The following PCED1B variants were observed in gnomAD, a reference collection of about 807,000 sequenced individuals.
PCED1B encodes PC-esterase domain containing 1B.
For missense variants in PCED1B, 573 were observed against 573.9 expected (o/e 1.00, Z 0.02); for synonymous variants, 251 against 246.1 (o/e 1.02, Z -0.19).
At chr12:47,105,402 C>T (rs1938902772) in intron 2 of PCED1B, among the ~76,000 whole-genome samples, 1 of 152,036 alleles carries the variant, frequency 6.6e-6, no homozygotes, top group Non-Finnish European at 1.5e-5. Context: ...TCTGAGGGTT[C>T]ATGAAGATAT....
chr12:47,195,307 C>G (rs936125388), intron 2 of PCED1B, among the ~76,000 whole-genome samples: 1 of 144,230 alleles, frequency 6.9e-6, no homozygotes, highest in Non-Finnish European at 1.5e-5. Context: ...CCAGCCTGGG[C>G]GATGGAGCGA....
chr12:47,185,051 TG>T (rs1385443505), intron 2 of PCED1B, among the ~76,000 whole-genome samples: 1 of 152,190 alleles, frequency 6.6e-6, no homozygotes, highest in Non-Finnish European at 1.5e-5. Context: ...CTTGTAAACT[TG>T]TTTCCTCATG....
At chr12:47,135,619 A>G (rs78826286) in intron 2 of PCED1B, 3 of 500,224 alleles carry the variant, frequency 6.0e-6, no homozygotes, top group Non-Finnish European at 1.2e-5. Flanking sequence ...CAGGTCACCA[A>G]CCATCTTCCT....
chr12:47,154,147 C>G lies in PCED1B; in HGVS notation c.-526+49952C>G, dbSNP rs1395400099. 4.3e-4 allele frequency among the ~76,000 whole-genome samples: 66 copies of G among 152,176 alleles called. 1 individual carries two copies. The highest frequency in any genetic ancestry group is 4.3e-3 in the Admixed American group (66 of 15,280). On this transcript the variant is annotated intron_variant, in intron 2 of 3. Coordinates refer to ENST00000546455, the MANE Select transcript of PCED1B (RefSeq NM_138371.3). ...GACCCAGGAAACGCGTATCTTCTACCAGCATCCATGAAACAGTAGCAGGCT... is the reference window on the plus strand; with the variant it reads ...GACCCAGGAAACGCGTATCTTCTACGAGCATCCATGAAACAGTAGCAGGCT...
At chr12:47,217,480 G>GAAAGAA (rs1943316702) in intron 3 of PCED1B, among the ~76,000 whole-genome samples, 1 of 109,756 alleles carries the variant, frequency 9.1e-6, no homozygotes, top group African/African-American at 4.7e-5. Context: ...GAGAAAGAAA[G>GAAAGAA]AAAGAAAGAA....
intron 3 of PCED1B, among the ~76,000 whole-genome samples, chr12:47,221,617 T>C (rs1307067780): frequency 4.6e-5 from 7 of 152,226 alleles, no homozygotes; most frequent in African/African-American, 9.6e-5. Flanking sequence ...CACCCAATTA[T>C]GTATTCCCAG....
At chr12:47,208,030 G>GT (rs1942962315) in intron 2 of PCED1B, among the ~76,000 whole-genome samples, 1 of 151,536 alleles carries the variant, frequency 6.6e-6, no homozygotes, top group Admixed American at 6.6e-5. Flanking sequence ...TAATTTGTTG[G>GT]GTTTTTTTTT....
At chr12:47,136,207 C>CTTA (rs1183306891) in intron 2 of PCED1B, among the ~76,000 whole-genome samples, 1 of 150,070 alleles carries the variant, frequency 6.7e-6, no homozygotes, top group African/African-American at 2.5e-5. Context: ...GATGCATGAT[C>CTTA]TTATCTTTTG....
At position 47,235,253 on chromosome 12, in the gene PCED1B, G is replaced by A. The variant is rs1943937638; in HGVS notation, c.190G>A (p.Gly64Arg). The A allele has an allele frequency of 1.2e-6, 2 of 1,613,660 alleles. No homozygotes were observed. Among genetic ancestry groups the A allele is most frequent in the East Asian group, 2.2e-5 (1 of 44,876 alleles). The change falls in exon 4 of 4, where the codon GGA (glycine) becomes AGA (arginine). Residue 64 changes from glycine (G) to arginine (R), a missense_variant. By Grantham distance (125) the Gly-to-Arg change is moderately radical (BLOSUM62 -2). Transcript: ENST00000546455. ...LNFEQDELVD[G>R]GQRGHMHNGL... ...CTTCGAACAAGATGAGCTGGTGGAC[G>A]GAGGCCAGCGGGGCCACATGCACAA... is the stretch of plus-strand genomic sequence containing the variant.
chr12:47,201,321 TA>T (rs146849937), intron 2 of PCED1B, among the ~76,000 whole-genome samples: 1,677 of 152,268 alleles, frequency 0.011, 23 homozygotes, highest in African/African-American at 0.038. Flanking sequence ...ATTGCGAATA[TA>T]GCTTGCCACA....
chr12:47,095,816 A>T (rs1185704773), intron 1 of PCED1B, among the ~76,000 whole-genome samples: 1 of 152,084 alleles, frequency 6.6e-6, no homozygotes, highest in African/African-American at 2.4e-5. Context: ...TCATCATTTC[A>T]CTATTTATTT....
intron 2 of PCED1B, among the ~76,000 whole-genome samples, chr12:47,147,906 A>G (rs1940850798): frequency 6.6e-6 from 1 of 152,160 alleles, no homozygotes; most frequent in Non-Finnish European, 1.5e-5. Context: ...GTTATCCATT[A>G]TTTGTTATAA....
rs772155227 is a variant in PCED1B at position 47,236,378 on chromosome 12, AT to A, written c.*19del. On this transcript the variant is annotated 3_prime_UTR_variant, in exon 4 of 4. Coordinates refer to ENST00000546455, the MANE Select transcript of PCED1B (RefSeq NM_138371.3). ...GCCTCAATAGACGGACCTAGGCCTT[AT>A]TTCCTCTTTATGAACATGGATTGGA... 4.6e-6 allele frequency: 7 copies of A among 1,532,090 alleles called. No homozygotes were observed. The African/African-American group carries it at 9.7e-5, about 21-fold the overall frequency. The allele number at this position is 1,532,090 out of a possible 1,614,324, so 94.9% of individuals were successfully genotyped here.
chr12:47,211,946 G>A (rs1472590690), intron 2 of PCED1B, among the ~76,000 whole-genome samples: 213 of 150,618 alleles, frequency 1.4e-3, no homozygotes, highest in African/African-American at 5.0e-3. Flanking sequence ...GTAGTGGCGG[G>A]CGCCTGTAGT....
intron 2 of PCED1B, among the ~76,000 whole-genome samples, chr12:47,106,488 A>G (rs973874808): frequency 6.6e-6 from 1 of 152,140 alleles, no homozygotes; most frequent in Non-Finnish European, 1.5e-5. Context: ...GCTCCCTCGG[A>G]ACAGCCCTCT....
chr12:47,236,460 T>G lies in PCED1B; in HGVS notation c.*98T>G. On this transcript the variant is annotated 3_prime_UTR_variant, in exon 4 of 4. Transcript: ENST00000546455. Reference sequence around the variant, plus strand: ...CCTGAACAGACTGACCTTGTTAACTTAAGCCTGGAGTCCATGCCTCGTCTT... The same window carrying G: ...CCTGAACAGACTGACCTTGTTAACTGAAGCCTGGAGTCCATGCCTCGTCTT... The G allele has an allele frequency of 8.1e-7, 1 of 1,241,248 alleles. No individual in the cohort carries two copies. The highest frequency in any genetic ancestry group is 1.1e-6 in the Non-Finnish European group (1 of 915,816). The allele number at this position is 1,241,248 out of a possible 1,614,324, so 76.9% of individuals were successfully genotyped here.
intron 2 of PCED1B, among the ~76,000 whole-genome samples, chr12:47,211,346 T>G (rs1002946585): frequency 6.6e-6 from 1 of 152,144 alleles, no homozygotes; most frequent in Non-Finnish European, 1.5e-5. Flanking sequence ...GCTGTTTCTA[T>G]CTTCCTTGAC....
intron 2 of PCED1B, among the ~76,000 whole-genome samples, chr12:47,154,870 G>A (rs1941140481): frequency 6.6e-6 from 1 of 151,858 alleles, no homozygotes; most frequent in South Asian, 2.1e-4. Flanking sequence ...CTGCAAGCCT[G>A]TAAAATTATA....
Position 47,235,835 on chromosome 12 carries a change from C to A in PCED1B, c.772C>A (p.His258Asn). 1 of 1,574,738 alleles carries A rather than the reference C, an allele frequency of 6.4e-7. No homozygotes were observed. The highest frequency in any genetic ancestry group is 8.6e-7 in the Non-Finnish European group (1 of 1,160,354). Residue 258 changes from histidine to asparagine, a missense_variant, in exon 4 of 4, where the codon CAC becomes AAC. Coordinates refer to ENST00000546455, the MANE Select transcript of PCED1B (RefSeq NM_138371.3). ...CGACGCCTGGGGTGTGGAGCTGCCC[C>A]ACCGCCACCCCGTGGGCGAGTGGAT... The part of the protein sequence containing the change: ...VADAWGVELP[H>N]RHPVGEWIKK...
Sources: gnomAD v4.1 joint callset for allele counts (sites outside exome capture counted in the v4.1 genomes callset) on GRCh38, gnomAD v4.1.1 for gene constraint, MANE v1.5 for transcripts, NCBI Gene and HGNC (gene_info 2026-07-23, HGNC 2026-07-21) for gene names.